The following DPYSL3 variants were observed in gnomAD, a reference collection of about 807,000 sequenced individuals.
The protein encoded by DPYSL3 is dihydropyrimidinase like 3, also known as dihydropyrimidinase-related protein 3.
In DPYSL3, 16 loss-of-function variants were observed where a neutral mutation model predicts 66.1. The ratio of observed to expected loss-of-function variants is 0.24; its 90% confidence interval spans 0.16 to 0.37. DPYSL3 has a LOEUF of 0.37. Among genes scored for constraint, DPYSL3 ranks in the 10% least tolerant of loss-of-function variants. The pLI, the probability that DPYSL3 is intolerant of heterozygous loss-of-function variation, is 1.00. For synonymous variants in DPYSL3, 338 were observed against 345.1 expected, an observed-to-expected ratio of 0.98 and a Z score of 0.23; for missense variants, 738 against 916.2, an observed-to-expected ratio of 0.81 and a Z score of 2.51.
Position 147,454,877 on chromosome 5 carries a change from T to C in DPYSL3, c.382-29914A>G, listed in dbSNP as rs182665080. Among the ~76,000 whole-genome samples, 533 of 152,280 alleles carry C rather than the reference T, an allele frequency of 3.5e-3. 4 individuals carry two copies. The highest frequency in any genetic ancestry group is 0.011 in the African/African-American group (475 of 41,566). On this transcript the variant is annotated intron_variant, in intron 1 of 13. Coordinates refer to ENST00000343218, the MANE Select transcript of DPYSL3 (RefSeq NM_001197294.2). ...GCCACTGTGGGTGGGGTCTGAGTGG[T>C]GGCTGGGGGTGAGGGAGCTCCTCAA...
intron 2 of DPYSL3, among the ~76,000 whole-genome samples, chr5:147,423,484 G>A (rs889444137): frequency 5.9e-5 from 9 of 152,184 alleles, no homozygotes; most frequent in African/African-American, 2.2e-4. Context: ...CTGATTGAGA[G>A]AAAGCATGCA....
rs1232439879 is a variant in DPYSL3, at chr5:147,442,999, T to C, written c.382-18036A>G. 2.0e-5 allele frequency among the ~76,000 whole-genome samples: 3 copies of C among 152,232 alleles called. No homozygotes were observed. The East Asian group carries it at 5.8e-4, about 29-fold the overall frequency. ...TTTTGTAATGGAAAAAAAGCCTTAG[T>C]TAATTTTAAAATCCTTGTGTCCCAC... On this transcript the variant is annotated intron_variant, in intron 1 of 13. Coordinates refer to ENST00000343218, the MANE Select transcript of DPYSL3 (RefSeq NM_001197294.2).
chr5:147,395,656 G>T lies in DPYSL3; in HGVS notation c.1869C>A (p.Thr623=), dbSNP rs777289428. 1.9e-5 allele frequency: 31 copies of T among 1,613,998 alleles called. 1 individual carries two copies. In the South Asian group the frequency reaches 3.3e-4, roughly 17 times the overall value. ...YDGPVFDLTT[T]PKGGTPAGSA... Reference sequence around the variant, plus strand: ...AGCCTGCGGGGGTGCCACCTTTGGGGGTGGTGGTCAGGTCAAACACAGGCC... The same window carrying T: ...AGCCTGCGGGGGTGCCACCTTTGGGTGTGGTGGTCAGGTCAAACACAGGCC... The change falls in exon 13 of 14, where the codon ACC becomes ACA. Residue 623 remains threonine, a synonymous_variant. Coordinates refer to ENST00000343218, the MANE Select transcript of DPYSL3 (RefSeq NM_001197294.2).
At chr5:147,469,015 A>C (rs1753047855) in intron 1 of DPYSL3, among the ~76,000 whole-genome samples, 1 of 152,256 alleles carries the variant, frequency 6.6e-6, no homozygotes, top group Admixed American at 6.5e-5. Context: ...CAACACCAAT[A>C]AAACAGAAGA....
At chr5:147,458,237 A>G (rs1413552635) in intron 1 of DPYSL3, among the ~76,000 whole-genome samples, 1 of 152,202 alleles carries the variant, frequency 6.6e-6, no homozygotes, top group Admixed American at 6.5e-5. Flanking sequence ...GACCTTCCTG[A>G]TAAAACAGGT....
At chr5:147,503,077 TA>T (rs1269408979) in intron 1 of DPYSL3, among the ~76,000 whole-genome samples, 1 of 152,152 alleles carries the variant, frequency 6.6e-6, no homozygotes, top group Non-Finnish European at 1.5e-5. Flanking sequence ...AATTGTTCAA[TA>T]AAAGGGCATC....
intron 1 of DPYSL3, among the ~76,000 whole-genome samples, chr5:147,483,915 A>G (rs1052204632): frequency 4.6e-5 from 7 of 152,208 alleles, no homozygotes; most frequent in Non-Finnish European, 7.3e-5. Context: ...CCAATGAGCT[A>G]CATATGTGAA....
In DPYSL3 at chr5:147,397,697, T is replaced by C. The variant is rs1369865347; in HGVS notation, c.1772A>G (p.Tyr591Cys). 4.3e-6 allele frequency: 7 copies of C among 1,614,008 alleles called. No individual in the cohort carries two copies. Among genetic ancestry groups the C allele is most frequent in the Admixed American group, 1.7e-5 (1 of 59,994 alleles). The part of the protein sequence containing the change: ...RFIPCSPFSD[Y>C]VYKRIKARRK... ...CCGTGCTTTAATGCGCTTGTAGACA[T>C]AGTCGGAGAACGGGCTGCAGGGTAT... The change falls in exon 12 of 14, where the codon TAT (tyrosine) becomes TGT (cysteine). Residue 591 changes from tyrosine (Y) to cysteine (C), a missense_variant. By Grantham distance (194) the Tyr-to-Cys change is radical. Coordinates refer to ENST00000343218, the MANE Select transcript of DPYSL3 (RefSeq NM_001197294.2).
intron 8 of DPYSL3, among the ~76,000 whole-genome samples, chr5:147,402,354 CT>C (rs1233640144): frequency 1.1e-4 from 13 of 115,472 alleles, no homozygotes; most frequent in South Asian, 2.7e-4. Flanking sequence ...TTTTTTTTTT[CT>C]TTTTTTTTTT....
intron 1 of DPYSL3, among the ~76,000 whole-genome samples, chr5:147,480,813 C>A (rs184227192): frequency 1.8e-4 from 27 of 151,570 alleles, no homozygotes; most frequent in African/African-American, 6.5e-4. Context: ...ACCTCCACCT[C>A]CCGGGTTTAA....
At chr5:147,396,042 G>T (rs1757960974) in intron 12 of DPYSL3, among the ~76,000 whole-genome samples, 1 of 152,048 alleles carries the variant, frequency 6.6e-6, no homozygotes, top group African/African-American at 2.4e-5. Context: ...TGACAGAGAA[G>T]CCAGCAAAGA....
chr5:147,462,961 C>T (rs555565956), intron 1 of DPYSL3, among the ~76,000 whole-genome samples: 1 of 152,246 alleles, frequency 6.6e-6, no homozygotes, highest in South Asian at 2.1e-4. Flanking sequence ...CAAGTGACCA[C>T]GCAGCCACAA....
At chr5:147,397,981 G>A (rs901354254) in intron 11 of DPYSL3, 136 bp from the exon 12 acceptor site, 75 of 848,230 alleles carry the variant, frequency 8.8e-5, no homozygotes, top group Admixed American at 2.8e-4. Context: ...GCATCTGCAA[G>A]CATCCAGTGG....
At chr5:147,416,506 C>A (rs904372747) in intron 3 of DPYSL3, among the ~76,000 whole-genome samples, 2 of 152,118 alleles carry the variant, frequency 1.3e-5, no homozygotes, top group African/African-American at 4.8e-5. Context: ...TCACCCACAA[C>A]CATGGATACA....
At chr5:147,482,215 T>C (rs1013551438) in intron 1 of DPYSL3, among the ~76,000 whole-genome samples, 1 of 152,146 alleles carries the variant, frequency 6.6e-6, no homozygotes, top group African/African-American at 2.4e-5. Context: ...GACTTAGTAA[T>C]TACACGATAA....
chr5:147,434,295 T>C (rs1752374574), intron 1 of DPYSL3, among the ~76,000 whole-genome samples: 1 of 152,208 alleles, frequency 6.6e-6, no homozygotes, highest in Non-Finnish European at 1.5e-5. Context: ...CTCTTTGGTC[T>C]GGATTTATAT....
At chr5:147,430,509 C>CAAAAAAAAA (rs555965885) in intron 1 of DPYSL3, among the ~76,000 whole-genome samples, 2 of 39,780 alleles carry the variant, frequency 5.0e-5, no homozygotes, top group Non-Finnish European at 5.1e-5. Flanking sequence ...GACTCGGTCT[C>CAAAAAAAAA]AAAAAAAAAA....
chr5:147,480,600 GT>G, intron 1 of DPYSL3, among the ~76,000 whole-genome samples: 1 of 152,030 alleles, frequency 6.6e-6, no homozygotes, highest in Non-Finnish European at 1.5e-5. Flanking sequence ...TTCCACAGAA[GT>G]TTAAATGGGC....
chr5:147,447,781 T>C (rs1419665699), intron 1 of DPYSL3, among the ~76,000 whole-genome samples: 3 of 152,098 alleles, frequency 2.0e-5, no homozygotes, highest in Non-Finnish European at 4.4e-5. Context: ...GAGGTTGCCG[T>C]GAGCTGAGAT....
Sources: allele counts gnomAD v4.1 joint callset (sites outside exome capture counted in the v4.1 genomes callset), GRCh38; gene constraint gnomAD v4.1.1; transcripts MANE v1.5; gene names NCBI Gene and HGNC (gene_info 2026-07-23, HGNC 2026-07-21).